The following CDH4 variants were observed in gnomAD, a reference collection of about 807,000 sequenced individuals.
CDH4 encodes cadherin 4.
A neutral mutation model predicts 86.0 loss-of-function variants in CDH4; 33 were observed. That is an observed-to-expected ratio of 0.38 (90% CI 0.29 to 0.51). The LOEUF (loss-of-function observed/expected upper bound fraction) is 0.51, where lower values mean the gene tolerates loss of function less well. Among genes scored for constraint, CDH4 ranks in the 20% least tolerant of loss-of-function variants. CDH4 has a pLI of 0.86. For missense variants in CDH4, 1,114 were observed against 1,307.4 expected, an observed-to-expected ratio of 0.85 and a Z score of 2.28; for synonymous variants, 555 against 549.4, an observed-to-expected ratio of 1.01 and a Z score of -0.14.
intron 6 of CDH4, among the ~76,000 whole-genome samples, chr20:61,860,697 G>A (rs1157779774): frequency 6.6e-6 from 1 of 152,212 alleles, no homozygotes; most frequent in Non-Finnish European, 1.5e-5. Flanking sequence ...GAAAATGACA[G>A]TGACCACTGA....
intron 2 of CDH4, among the ~76,000 whole-genome samples, chr20:61,622,847 C>A (rs1419488058): frequency 6.6e-6 from 1 of 152,162 alleles, no homozygotes; most frequent in Non-Finnish European, 1.5e-5. Context: ...ACAGAATTGC[C>A]CCCAGCTGAG....
In CDH4 at chr20:61,800,977, C is replaced by T. The variant is rs375825397; in HGVS notation, c.576+27795C>T. Among the ~76,000 whole-genome samples the T allele has an allele frequency of 5.6e-4, 86 of 152,314 alleles. No homozygotes were observed. In the South Asian group the frequency reaches 6.4e-3, roughly 11 times the overall value. On this transcript the variant is annotated intron_variant, in intron 4 of 15. Transcript: ENST00000614565. ...GCTGCAGGGCCCTCCTGGGACCCTC[C>T]AAGCATCTTGGTTGGGGGCAGCTAC... is the stretch of plus-strand genomic sequence containing the variant.
intron 2 of CDH4, among the ~76,000 whole-genome samples, chr20:61,457,851 C>CTGG (rs1225289234): frequency 1.4e-5 from 2 of 142,900 alleles, no homozygotes; most frequent in Non-Finnish European, 3.0e-5. Context: ...AGTGTTGACA[C>CTGG]TGGTGGTGGT....
At chr20:61,792,228 A>G (rs999034436) in intron 4 of CDH4, among the ~76,000 whole-genome samples, 1 of 152,024 alleles carries the variant, frequency 6.6e-6, no homozygotes, top group African/African-American at 2.4e-5. Flanking sequence ...GAGGAAAGGG[A>G]GCCATCGAGG....
intron 2 of CDH4, among the ~76,000 whole-genome samples, chr20:61,593,222 A>G (rs2086530840): frequency 6.6e-6 from 1 of 152,228 alleles, no homozygotes; most frequent in South Asian, 2.1e-4. Context: ...CTCATGGGCT[A>G]CACTTTGTCC....
At chr20:61,932,303 C>G (rs1315407505) in intron 13 of CDH4, among the ~76,000 whole-genome samples, 1 of 152,172 alleles carries the variant, frequency 6.6e-6, no homozygotes, top group Non-Finnish European at 1.5e-5. Context: ...AAGAGGAGGG[C>G]GAGCTTGTAA....
At chr20:61,289,239 C>T (rs538053459) in intron 2 of CDH4, among the ~76,000 whole-genome samples, 2 of 152,278 alleles carry the variant, frequency 1.3e-5, no homozygotes, top group South Asian at 2.1e-4. Flanking sequence ...GCTCCCAGCT[C>T]CTGGCACTGT....
rs776190389 is a variant in CDH4, at chr20:61,895,010, A to G, written c.1151A>G (p.Asp384Gly). ...NTATAIITVT[D>G]VNDNPPEFTA... ...GCCACAGCCATCATCACGGTGACAG[A>G]TGTGAATGACAACCCGCCAGAATTT... The change falls in exon 8 of 16, where the codon GAT (aspartate) becomes GGT (glycine). Residue 384 changes from aspartate (D) to glycine (G), a missense_variant. Physicochemically the swap from Asp to Gly is moderately conservative, Grantham distance 94. Coordinates refer to ENST00000614565, the MANE Select transcript of CDH4 (RefSeq NM_001794.5). The G allele has an allele frequency of 6.2e-7, 1 of 1,613,910 alleles. No individual in the cohort carries two copies. The highest frequency in any genetic ancestry group is 1.7e-5 in the Admixed American group (1 of 60,030).
At chr20:61,850,560 G>A (rs756042879) in intron 5 of CDH4, among the ~76,000 whole-genome samples, 12 of 152,216 alleles carry the variant, frequency 7.9e-5, no homozygotes, top group Non-Finnish European at 1.3e-4. Context: ...TTTCCCCCGA[G>A]CGCCTTCCCG....
chr20:61,729,774 T>G (rs1261972940), intron 2 of CDH4, among the ~76,000 whole-genome samples: 1 of 152,174 alleles, frequency 6.6e-6, no homozygotes, highest in African/African-American at 2.4e-5. Flanking sequence ...CAGAGAGAGA[T>G]GCAGTGTCCA....
At chr20:61,409,849 C>G (rs1034524546) in intron 2 of CDH4, among the ~76,000 whole-genome samples, 1 of 151,306 alleles carries the variant, frequency 6.6e-6, no homozygotes, top group Non-Finnish European at 1.5e-5. Flanking sequence ...AGCTCATCAT[C>G]ATAATTAACG....
intron 2 of CDH4, among the ~76,000 whole-genome samples, chr20:61,425,621 G>T (rs2085208926): frequency 6.6e-6 from 1 of 152,276 alleles, no homozygotes; most frequent in Non-Finnish European, 1.5e-5. Context: ...AGGGAAAACA[G>T]GGCGGCAGCG....
At chr20:61,693,505 T>A (rs572330330) in intron 2 of CDH4, among the ~76,000 whole-genome samples, 1 of 152,350 alleles carries the variant, frequency 6.6e-6, no homozygotes, top group African/African-American at 2.4e-5. Flanking sequence ...AAGGCACTGG[T>A]CATGCTTGGC....
At chr20:61,478,745 T>A (rs1257978823) in intron 2 of CDH4, among the ~76,000 whole-genome samples, 1 of 152,224 alleles carries the variant, frequency 6.6e-6, no homozygotes, top group Non-Finnish European at 1.5e-5. Flanking sequence ...GAAACTATGT[T>A]TCATTCACCA....
intron 2 of CDH4, among the ~76,000 whole-genome samples, chr20:61,273,370 AGTTTAGGGGAGTACCGTGTG>A (rs1568776130): frequency 8.6e-5 from 10 of 116,372 alleles, no homozygotes; most frequent in Non-Finnish European, 8.4e-5. Context: ...TACCGTGTGC[AGTTTAGGGGAGTACCGTGTG>A]CAGTTTGGGG....
At chr20:61,345,561 A>G (rs1444553822) in intron 2 of CDH4, among the ~76,000 whole-genome samples, 1 of 152,254 alleles carries the variant, frequency 6.6e-6, no homozygotes, top group East Asian at 1.9e-4. Flanking sequence ...TAACAACGTA[A>G]GGAGCCCTAC....
chr20:61,452,549 A>G (rs2085386744), intron 2 of CDH4, among the ~76,000 whole-genome samples: 1 of 152,212 alleles, frequency 6.6e-6, no homozygotes, highest in Non-Finnish European at 1.5e-5. Context: ...ATGAATTTCA[A>G]AGGTAGAGAT....
At chr20:61,586,768 T>G (rs1467492176) in intron 2 of CDH4, among the ~76,000 whole-genome samples, 1 of 152,132 alleles carries the variant, frequency 6.6e-6, no homozygotes, top group South Asian at 2.1e-4. Context: ...TGTTTGCCCT[T>G]GGAAAAGTCA....
intron 4 of CDH4, among the ~76,000 whole-genome samples, chr20:61,782,513 A>G (rs1443786766): frequency 6.6e-6 from 1 of 152,172 alleles, no homozygotes; most frequent in East Asian, 1.9e-4. Flanking sequence ...AAAGATTATC[A>G]TTTTTCTTTT....
Sources: gnomAD v4.1 joint callset for allele counts (sites outside exome capture counted in the v4.1 genomes callset) on GRCh38, gnomAD v4.1.1 for gene constraint, MANE v1.5 for transcripts, NCBI Gene and HGNC (gene_info 2026-07-23, HGNC 2026-07-21) for gene names.